GAS2L1: variants seen among roughly 807,000 people sequenced by gnomAD.
GAS2L1 encodes GAS2-like protein 1.
Under a neutral mutation model 44.0 loss-of-function variants are expected in GAS2L1, and 26 were observed. The observed-to-expected ratio is 0.59, with a 90% CI of 0.43 to 0.82. The LOEUF (loss-of-function observed/expected upper bound fraction) is 0.82. Ranked by LOEUF, GAS2L1 falls within the 40% of genes least tolerant of loss-of-function variation. The pLI is 0.00. For missense variants in GAS2L1, 1,006 were observed against 983.0 expected, an observed-to-expected ratio of 1.02 and a Z score of -0.31; for synonymous variants, 426 against 415.9, an observed-to-expected ratio of 1.02 and a Z score of -0.30.
At chr22:29,312,527 T>C in exon 5 of GAS2L1, 2 of 1,447,388 alleles carry the variant, frequency 1.4e-6, no homozygotes. Flanking sequence ...CCAGACCCCA[T>C]CCCTTCTCCT....
rs2061393326 is a variant in GAS2L1, at chr22:29,310,621, C to A, written c.742-17C>A. On this transcript the variant is annotated splice_polypyrimidine_tract_variant and intron_variant, in intron 2 of 4. Transcript: ENST00000618518. ...CGGGGCGCCCGGGGCACAGCCGTGA[C>A]CTGCCCACACCTGCAGGTGCTGAGG... 1.2e-6 allele frequency: 2 copies of A among 1,602,264 alleles called. No homozygotes were observed. The highest frequency in any genetic ancestry group is 1.7e-6 in the Non-Finnish European group (2 of 1,171,232).
At chr22:29,309,073 C>T (rs1190360396) in intron 1 of GAS2L1, among the ~76,000 whole-genome samples, 2 of 152,218 alleles carry the variant, frequency 1.3e-5, no homozygotes, top group Admixed American at 6.5e-5. Context: ...CGGGGCGCCT[C>T]CTCTGTGCCC....
At chr22:29,308,695 G>A in exon 1 of GAS2L1, 1 of 1,503,580 alleles carries the variant, frequency 6.7e-7, no homozygotes. Flanking sequence ...CCTGCCCGCG[G>A]CCCCCGCATG....
exon 5 of GAS2L1, chr22:29,311,674 G>A (rs879188319): frequency 2.6e-6 from 4 of 1,522,408 alleles, no homozygotes; most frequent in South Asian, 2.4e-5. Flanking sequence ...TCCCGAGACC[G>A]GCTGGATCGC....
chr22:29,311,349 G>A (rs551138967), intron 4 of GAS2L1, 113 bp from the exon 6 acceptor site: 5 of 596,598 alleles, frequency 8.4e-6, no homozygotes, highest in Non-Finnish European at 1.5e-5. Context: ...ACAGACCGAT[G>A]CCCCTGACAG....
chr22:29,311,700 GC>G lies in GAS2L1; in HGVS notation c.1253del (p.Pro418GlnfsTer121). 1 of 1,526,274 alleles carries G rather than the reference GC, an allele frequency of 6.6e-7. No individual in the cohort carries two copies. Among genetic ancestry groups the G allele is most frequent in the Non-Finnish European group, 8.8e-7 (1 of 1,142,118 alleles). The allele number at this position is 1,526,274 out of a possible 1,614,324, so 94.5% of individuals were successfully genotyped here. On this transcript the variant is annotated frameshift_variant, in exon 5 of 5. Transcript: ENST00000618518. LOFTEE classifies it high-confidence loss of function. ...GCTGGATCGCGGCCGGCCCCGGGGG[GC>G]CCCAGGAGGCAGGGGAGCCCAGCTG...
exon 5 of GAS2L1, chr22:29,311,628 G>A (rs930069191): frequency 1.4e-5 from 21 of 1,536,640 alleles, no homozygotes; most frequent in Admixed American, 2.0e-5. Flanking sequence ...AGGCACCCCG[G>A]CCTCTCCGAG....
exon 1 of GAS2L1, chr22:29,308,561 G>A (rs1345502095): frequency 5.6e-6 from 9 of 1,598,854 alleles, no homozygotes; most frequent in African/African-American, 1.3e-5. Context: ...GCCTGGGCCT[G>A]CTGGCCCCAC....
At chr22:29,308,397 A>G (rs1459457910) in exon 1 of GAS2L1, 1 of 1,608,920 alleles carries the variant, frequency 6.2e-7, no homozygotes. Flanking sequence ...TGGCTCCTTC[A>G]TGGCGCGCGA....
chr22:29,312,045 C>T (rs780624223), exon 5 of GAS2L1: 6 of 1,612,592 alleles, frequency 3.7e-6, no homozygotes, highest in South Asian at 2.2e-5. Context: ...TGCCCGGGCC[C>T]TTGAGGCTGT....
Position 29,308,619 on chromosome 22 carries a change from C to A in GAS2L1, c.514C>A (p.Pro172Thr), listed in dbSNP as rs758574943. ...GATTGAGCGGGAGCTGCGTGCTGCA[C>A]CCCCAGCCCCCAACGCCCCTGCCGC... is the stretch of plus-strand genomic sequence containing the variant. Residue 172 changes from proline to threonine, a missense_variant, in exon 1 of 5, where the codon CCC (proline) becomes ACC (threonine). Transcript: ENST00000618518. 7 of 1,587,616 alleles carry A rather than the reference C, an allele frequency of 4.4e-6. 1 individual carries two copies. In the South Asian group the frequency reaches 7.8e-5, roughly 18 times the overall value.
rs965567809 is a variant in GAS2L1 at position 29,311,591 on chromosome 22, G to A, written c.1140G>A (p.Arg380=). Reference sequence around the variant, plus strand: ...ATGACACAGGCACTGGCCCCCGGAGGGAGCGACCCAGCCGGCGGCTGACCA... The same window carrying A: ...ATGACACAGGCACTGGCCCCCGGAGAGAGCGACCCAGCCGGCGGCTGACCA... The change falls in exon 5 of 5, where the codon AGG becomes AGA. Residue 380 remains arginine (R), a synonymous_variant. Coordinates refer to ENST00000618518, the Ensembl canonical transcript of GAS2L1. The A allele has an allele frequency of 3.2e-6, 5 of 1,540,566 alleles. No individual in the cohort carries two copies. In the African/African-American group the frequency reaches 6.9e-5, roughly 21 times the overall value.
chr22:29,309,963 G>A (rs1008617925), intron 1 of GAS2L1, among the ~76,000 whole-genome samples: 2 of 152,146 alleles, frequency 1.3e-5, no homozygotes, highest in Non-Finnish European at 2.9e-5. Flanking sequence ...AAGGGGAGCC[G>A]GTGAAAGGTC....
At chr22:29,310,412 A>AC (rs930340869) in intron 1 of GAS2L1, 27 bp from the exon 3 acceptor site, 2 of 1,312,654 alleles carry the variant, frequency 1.5e-6, no homozygotes, top group African/African-American at 2.9e-5. Flanking sequence ...TTGACCTCTG[A>AC]CCCCTACCCT....
upstream of GAS2L1, chr22:29,307,009 G>A (rs2061355253): frequency 6.6e-6 from 1 of 152,302 alleles, no homozygotes; most frequent in African/African-American, 2.4e-5. Context: ...CGAATTCCAG[G>A]GAGGCGGGGC....
chr22:29,312,097 G>A (rs1025877713), exon 5 of GAS2L1: 2 of 1,612,854 alleles, frequency 1.2e-6, no homozygotes, highest in South Asian at 2.2e-5. Context: ...GACCCAGCTC[G>A]GGCCCCCGAC....
At chr22:29,309,559 G>A (rs778083744) in intron 1 of GAS2L1, among the ~76,000 whole-genome samples, 5 of 152,384 alleles carry the variant, frequency 3.3e-5, no homozygotes, top group African/African-American at 9.6e-5. Flanking sequence ...TTCCTCTGGC[G>A]GCACCACTGC....
chr22:29,310,986 A>C (rs1232815825), exon 4 of GAS2L1: 1 of 1,612,512 alleles, frequency 6.2e-7, no homozygotes, highest in Non-Finnish European at 8.5e-7. Context: ...GAGGGGCCCG[A>C]GACCCCACCC....
At chr22:29,310,260 AAAAAAAAT>A in intron 1 of GAS2L1, 171 bp from the exon 3 acceptor site, 2 of 364,758 alleles carry the variant, frequency 5.5e-6, no homozygotes, top group African/African-American at 4.7e-5. Context: ...AAAAAAAATA[AAAAAAAAT>A]AAAAAAAATA....
Sources: gnomAD v4.1 joint callset for allele counts (sites outside exome capture counted in the v4.1 genomes callset) on GRCh38, gnomAD v4.1.1 for gene constraint, MANE v1.5 for transcripts, NCBI Gene and HGNC (gene_info 2026-07-23, HGNC 2026-07-21) for gene names.